PRIM2: variants seen among roughly 807,000 people sequenced by gnomAD.
PRIM2 encodes DNA primase subunit 2, also known as DNA primase large subunit.
Under a neutral mutation model 67.3 loss-of-function variants are expected in PRIM2, and 39 were observed. The ratio of observed to expected loss-of-function variants is 0.58; its 90% CI spans 0.45 to 0.76. PRIM2 has a LOEUF of 0.76. PRIM2 is among the 30% of genes least tolerant of loss of function. The pLI is 0.00. For missense variants in PRIM2, 398 were observed against 598.7 expected (o/e 0.66, Z 3.50); for synonymous variants, 143 against 198.7 (o/e 0.72, Z 2.36).
intron 10 of PRIM2, among the ~76,000 whole-genome samples, chr6:57,582,610 T>TATC (rs1212999610): frequency 1.3e-5 from 2 of 152,104 alleles, no homozygotes; most frequent in Non-Finnish European, 2.9e-5. Context: ...TTTCTCTGGT[T>TATC]TTCATTGAAA....
At chr6:57,564,677 TG>T (rs1452591990) in intron 10 of PRIM2, among the ~76,000 whole-genome samples, 27 of 152,320 alleles carry the variant, frequency 1.8e-4, no homozygotes, top group African/African-American at 6.5e-4. Context: ...TGGATGGTTT[TG>T]TTTTTATTTG....
chr6:57,483,107 C>T (rs1294634786), intron 7 of PRIM2, among the ~76,000 whole-genome samples: 4 of 152,100 alleles, frequency 2.6e-5, no homozygotes, highest in Non-Finnish European at 5.9e-5. Flanking sequence ...GGGGATTCAT[C>T]ATGTTGGCCA....
intron 10 of PRIM2, among the ~76,000 whole-genome samples, chr6:57,558,699 TCC>T (rs1775568045): frequency 6.6e-6 from 1 of 152,146 alleles, no homozygotes; most frequent in Non-Finnish European, 1.5e-5. Flanking sequence ...ATATGGCAGT[TCC>T]TTGATACACG....
chr6:57,315,097 C>T (rs975256462), upstream of PRIM2, among the ~76,000 whole-genome samples: 1 of 152,172 alleles, frequency 6.6e-6, no homozygotes, highest in Admixed American at 6.5e-5. Context: ...CCAGTTTTCT[C>T]TGAGCTGGTC....
At chr6:57,403,835 A>G (rs1174992056) in intron 7 of PRIM2, among the ~76,000 whole-genome samples, 1 of 151,882 alleles carries the variant, frequency 6.6e-6, no homozygotes, top group Non-Finnish European at 1.5e-5. Flanking sequence ...CTGTAGGCTT[A>G]TAGATATTGT....
chr6:57,224,702 C>G, the PRIM2 span, among the ~76,000 whole-genome samples: 2 of 151,732 alleles, frequency 1.3e-5, no homozygotes, highest in South Asian at 4.1e-4. Flanking sequence ...TTGAGAAAAA[C>G]TTCCTGAAAG....
At chr6:57,600,041 T>A (rs1339287385) in intron 10 of PRIM2, among the ~76,000 whole-genome samples, 1 of 152,196 alleles carries the variant, frequency 6.6e-6, no homozygotes, top group African/African-American at 2.4e-5. Context: ...ATCACATTGC[T>A]TCATTCTTTG....
intron 7 of PRIM2, among the ~76,000 whole-genome samples, chr6:57,400,096 T>G (rs1770654325): frequency 6.6e-6 from 1 of 152,296 alleles, no homozygotes; most frequent in African/African-American, 2.4e-5. Flanking sequence ...ATGTAGTCCA[T>G]TTACATTAAA....
intron 5 of PRIM2, among the ~76,000 whole-genome samples, chr6:57,340,407 A>G (rs200861987): frequency 1.3e-5 from 2 of 151,962 alleles, no homozygotes; most frequent in African/African-American, 2.4e-5. Context: ...ACATGCACAC[A>G]TATGTTTATT....
chr6:57,560,663 A>C (rs1775607497), intron 10 of PRIM2, among the ~76,000 whole-genome samples: 2 of 150,352 alleles, frequency 1.3e-5, no homozygotes, highest in Non-Finnish European at 3.0e-5. Flanking sequence ...TGTGTTAACA[A>C]GCATGAAAAC....
intron 7 of PRIM2, among the ~76,000 whole-genome samples, chr6:57,446,861 G>GCACC (rs1772385085): frequency 6.6e-6 from 1 of 152,200 alleles, no homozygotes; most frequent in African/African-American, 2.4e-5. Context: ...TGCACCTACT[G>GCACC]TTCCATGATG....
chr6:57,537,544 G>C lies in PRIM2; in HGVS notation c.939G>C (p.Leu313=), dbSNP rs1387308071. 1.3e-4 allele frequency: 205 copies of C among 1,591,702 alleles called. No individual in the cohort carries two copies. Among genetic ancestry groups the C allele is most frequent in the Non-Finnish European group, 1.6e-4 (181 of 1,165,944 alleles). ...HGGRMQYGLF[L]KGIGLTLEQA... is the part of the protein sequence containing the mutation. ...GCCGAATGCAGTATGGCCTATTTCT[G>C]AAGGGCATTGGTTTAACTTTGGAAC... is the stretch of plus-strand genomic sequence containing the variant. The change falls in exon 10 of 14, where the codon CTG becomes CTC. Residue 313 remains leucine, a synonymous_variant. Transcript: ENST00000615550.
chr6:57,381,517 T>C (rs1315683237), intron 6 of PRIM2, among the ~76,000 whole-genome samples: 1 of 140,184 alleles, frequency 7.1e-6, no homozygotes, highest in African/African-American at 3.3e-5. Context: ...CAAAACTGAA[T>C]GCTTATTATT....
At position 57,601,193 on chromosome 6, in the gene PRIM2, A is replaced by G. The variant is rs1776457300; in HGVS notation, c.1121A>G (p.Asn374Ser). 2.5e-6 allele frequency: 4 copies of G among 1,610,470 alleles called. No individual in the cohort carries two copies. The highest frequency in any genetic ancestry group is 2.2e-5 in the East Asian group (1 of 44,584). Residue 374 changes from asparagine (N) to serine (S), a missense_variant, in exon 11 of 14, where the codon AAT becomes AGT. Physicochemically the swap from Asn to Ser is conservative, Grantham distance 46. This residue lies in a region of PRIM2 where 229 missense variants were observed against 383.6 expected (regional missense o/e 0.60). Transcript: ENST00000615550. ...AGTTGCCTGAAGATTATTCTGTCCA[A>G]TCCACCAAGCCAAGGGGATTATCAT... Reference protein sequence around the residue: ...PFSCLKIILSNPPSQGDYHGC... With the variant: ...PFSCLKIILSSPPSQGDYHGC...
At chr6:57,361,513 T>C (rs1413092820) in intron 5 of PRIM2, among the ~76,000 whole-genome samples, 1 of 145,276 alleles carries the variant, frequency 6.9e-6, no homozygotes, top group Non-Finnish European at 1.5e-5. Context: ...AAACACTTTT[T>C]AAGTCCCTGT....
intron 10 of PRIM2, among the ~76,000 whole-genome samples, chr6:57,559,862 A>G (rs1775594004): frequency 3.3e-5 from 5 of 152,120 alleles, no homozygotes; most frequent in Non-Finnish European, 5.9e-5. Context: ...GGTAATGATC[A>G]TTTGAGCCTT....
chr6:57,524,125 T>C (rs1554349153), intron 8 of PRIM2, among the ~76,000 whole-genome samples: 4 of 152,204 alleles, frequency 2.6e-5, no homozygotes, highest in Non-Finnish European at 5.9e-5. Context: ...AAAATTAGAT[T>C]GATTTAATTG....
At chr6:57,499,469 T>C (rs1351572485) in intron 7 of PRIM2, among the ~76,000 whole-genome samples, 7 of 152,164 alleles carry the variant, frequency 4.6e-5, no homozygotes, top group African/African-American at 1.7e-4. Flanking sequence ...TCATTAGAGA[T>C]GTGCCCTTCC....
chr6:57,552,192 TAGCTTAAGTC>T (rs1357534055), intron 10 of PRIM2, among the ~76,000 whole-genome samples: 2 of 152,182 alleles, frequency 1.3e-5, no homozygotes, highest in Non-Finnish European at 2.9e-5. Flanking sequence ...TGGGCAAATG[TAGCTTAAGTC>T]AGGTGAGAAG....
Sources: gnomAD v4.1 joint callset for allele counts (sites outside exome capture counted in the v4.1 genomes callset) on GRCh38, gnomAD v4.1.1 for gene constraint, gnomAD v4.1.1 regional missense constraint, MANE v1.5 for transcripts, NCBI Gene and HGNC (gene_info 2026-07-23, HGNC 2026-07-21) for gene names.